The following STXBP6 variants were observed in gnomAD, a reference collection of about 807,000 sequenced individuals.
The protein encoded by STXBP6 is syntaxin-binding protein 6.
STXBP6 carries 21 observed loss-of-function variants against 26.9 expected under a neutral mutation model. The ratio of observed to expected loss-of-function variants is 0.78; its 90% CI spans 0.55 to 1.12. The LOEUF is 1.12. STXBP6 is among the 50% of genes most tolerant of loss of function. The pLI, the probability that STXBP6 is intolerant of heterozygous loss-of-function variation, is 0.00. For synonymous variants in STXBP6, 97 were observed against 92.6 expected (o/e 1.05, Z -0.27); for missense variants, 232 against 257.9 (o/e 0.90, Z 0.69).
At chr14:24,854,852 G>A (rs1187909841) in intron 4 of STXBP6, among the ~76,000 whole-genome samples, 1 of 151,982 alleles carries the variant, frequency 6.6e-6, no homozygotes, top group Non-Finnish European at 1.5e-5. Flanking sequence ...ACCATAGGAT[G>A]TGACCCCTTG....
intron 4 of STXBP6, among the ~76,000 whole-genome samples, chr14:24,840,840 C>CT (rs33918222): frequency 3.2e-3 from 476 of 146,476 alleles, no homozygotes; most frequent in East Asian, 6.6e-3. Flanking sequence ...AATGTAACTG[C>CT]TTTTTTTTTT....
At chr14:24,954,319 C>G (rs2073267959) in intron 2 of STXBP6, among the ~76,000 whole-genome samples, 3 of 151,938 alleles carry the variant, frequency 2.0e-5, no homozygotes, top group Admixed American at 2.0e-4. Flanking sequence ...GGGAGGGGAG[C>G]AGACTGAAGG....
intron 2 of STXBP6, among the ~76,000 whole-genome samples, chr14:24,930,211 G>A (rs1391413418): frequency 6.6e-6 from 1 of 151,712 alleles, no homozygotes; most frequent in East Asian, 1.9e-4. Flanking sequence ...CAATCACGTG[G>A]GGATAATAGC....
intron 2 of STXBP6, among the ~76,000 whole-genome samples, chr14:24,866,725 A>T (rs1215563856): frequency 6.6e-6 from 1 of 151,374 alleles, no homozygotes. Flanking sequence ...TAATCCTCAA[A>T]CAAACCATGG....
At chr14:24,932,192 A>G (rs570313777) in intron 2 of STXBP6, among the ~76,000 whole-genome samples, 81 of 152,296 alleles carry the variant, frequency 5.3e-4, no homozygotes, top group Non-Finnish European at 9.8e-4. Flanking sequence ...GCAGATCACG[A>G]GGTCAGGAAT....
In STXBP6 at chr14:24,878,753, A is replaced by G. The variant is rs75008120; in HGVS notation, c.155-21596T>C. 2.6e-3 allele frequency: 1,158 copies of G among 450,322 alleles called. 6 individuals carry two copies. The highest frequency in any genetic ancestry group is 0.018 in the African/African-American group (906 of 50,080). The allele number at this position is 450,322 out of a possible 1,614,324, so 27.9% of individuals were successfully genotyped here. On this transcript the variant is annotated intron_variant, in intron 2 of 5. Coordinates refer to ENST00000323944, the MANE Select transcript of STXBP6 (RefSeq NM_001394410.1). The stretch of plus-strand genomic sequence containing the variant: ...CAACCATAACACACGTTTCATCCTC[A>G]TTAGCTGGTCTTCTCTCTAAAATTC...
In STXBP6 at chr14:24,904,443, G is replaced by C. The variant is rs118050649; in HGVS notation, c.155-47286C>G. On this transcript the variant is annotated intron_variant, in intron 2 of 5. Coordinates refer to ENST00000323944, the MANE Select transcript of STXBP6 (RefSeq NM_001394410.1). ...TTTGTAGAATATTACTTTTAATGGC[G>C]AACCCGCAATTACTTTTGCGCCAAC... Among the ~76,000 whole-genome samples the C allele has an allele frequency of 5.9e-5, 9 of 152,126 alleles. No individual in the cohort carries two copies. The East Asian group carries it at 1.7e-3, about 29-fold the overall frequency.
chr14:25,032,034 T>C (rs1273666135), intron 1 of STXBP6, among the ~76,000 whole-genome samples: 1 of 151,630 alleles, frequency 6.6e-6, no homozygotes, highest in Non-Finnish European at 1.5e-5. Flanking sequence ...CAGAAAGAAA[T>C]ACAGACAGGA....
intron 2 of STXBP6, among the ~76,000 whole-genome samples, chr14:24,862,174 T>C (rs2332446): frequency 2.6e-5 from 4 of 151,682 alleles, no homozygotes; most frequent in Non-Finnish European, 5.9e-5. Flanking sequence ...CTAACTTTTA[T>C]TTTTTTTGTA....
intron 2 of STXBP6, among the ~76,000 whole-genome samples, chr14:24,905,558 T>C (rs563002905): frequency 3.8e-4 from 58 of 152,266 alleles, no homozygotes; most frequent in Non-Finnish European, 7.8e-4. Flanking sequence ...TATTCAGACC[T>C]AAAAATAACA....
chr14:24,996,901 G>A (rs1173326974), intron 1 of STXBP6, among the ~76,000 whole-genome samples: 1 of 150,042 alleles, frequency 6.7e-6, no homozygotes, highest in Non-Finnish European at 1.5e-5. Flanking sequence ...AGGGAACGCA[G>A]GGGAGAGGGA....
chr14:24,833,941 G>A (rs980116535), intron 4 of STXBP6, among the ~76,000 whole-genome samples: 1 of 152,142 alleles, frequency 6.6e-6, no homozygotes, highest in Admixed American at 6.5e-5. Flanking sequence ...AGGAAGGCAC[G>A]ATTTTCACAC....
At chr14:24,938,043 C>T (rs1302883920) in intron 2 of STXBP6, among the ~76,000 whole-genome samples, 3 of 152,164 alleles carry the variant, frequency 2.0e-5, no homozygotes, top group Non-Finnish European at 1.5e-5. Context: ...GGAAGAAAAC[C>T]ATTCACCTTG....
Position 25,049,541 on chromosome 14 carries a change from C to G in STXBP6, c.-33+337G>C. On this transcript the variant is annotated intron_variant, in intron 1 of 5. Transcript: ENST00000323944. The surrounding 1 kb of genome is among the most constrained non-coding windows in gnomAD (Gnocchi z 5.6). ...GGCCCATGCCATCGCGGGGACGGTGCGGAAAAAAAGGCTCCATCCTCAACT... is the reference window on the plus strand; with the variant it reads ...GGCCCATGCCATCGCGGGGACGGTGGGGAAAAAAAGGCTCCATCCTCAACT... 1.0e-6 allele frequency: 1 copy of G among 985,324 alleles called. No homozygotes were observed. The highest frequency in any genetic ancestry group is 4.7e-5 in the South Asian group (1 of 21,272). The allele number at this position is 985,324 out of a possible 1,614,324, so 61.0% of individuals were successfully genotyped here.
At chr14:24,882,802 C>T (rs925557802) in intron 2 of STXBP6, among the ~76,000 whole-genome samples, 11 of 152,340 alleles carry the variant, frequency 7.2e-5, no homozygotes, top group African/African-American at 2.6e-4. Flanking sequence ...TATAATCCTT[C>T]ATACATAATC....
chr14:24,939,461 C>T (rs2072723365), intron 2 of STXBP6, among the ~76,000 whole-genome samples: 1 of 145,464 alleles, frequency 6.9e-6, no homozygotes. Flanking sequence ...TCTACATTAC[C>T]TTTTTTTTTT....
chr14:24,812,033 A>G lies in STXBP6; in HGVS notation c.*676T>C, dbSNP rs1009240514. The G allele has an allele frequency of 5.3e-5, 8 of 152,098 alleles. 2 individuals carry two copies. Among genetic ancestry groups the G allele is most frequent in the Admixed American group, 3.9e-4 (6 of 15,284 alleles). The allele number at this position is 152,098 out of a possible 1,614,324, so 9.4% of individuals were successfully genotyped here. On this transcript the variant is annotated 3_prime_UTR_variant, in exon 6 of 6. Coordinates refer to ENST00000323944, the MANE Select transcript of STXBP6 (RefSeq NM_001394410.1). ...CCAAGTAAACACCCTGGATACAAGT[A>G]GCAAGAGTATTTAAACTGTAACTCA...
chr14:24,977,878 T>C (rs938757734), intron 1 of STXBP6, among the ~76,000 whole-genome samples: 4 of 152,206 alleles, frequency 2.6e-5, no homozygotes, highest in Non-Finnish European at 5.9e-5. Context: ...CAGTCTCTTA[T>C]AGGGATGGTT....
rs189917163 is a variant in STXBP6, at chr14:24,872,340, G to C, written c.155-15183C>G. Among the ~76,000 whole-genome samples the C allele has an allele frequency of 2.6e-5, 4 of 152,226 alleles. No homozygotes were observed. The East Asian group carries it at 7.7e-4, about 29-fold the overall frequency. ...TCAGGAATTACAAATAAGATAACCGGCCACAGTTCTCCAAGTGTCTTTTTA... is the reference window on the plus strand; with the variant it reads ...TCAGGAATTACAAATAAGATAACCGCCCACAGTTCTCCAAGTGTCTTTTTA... On this transcript the variant is annotated intron_variant, in intron 2 of 5. Coordinates refer to ENST00000323944, the MANE Select transcript of STXBP6 (RefSeq NM_001394410.1).
Sources: allele counts gnomAD v4.1 joint callset (sites outside exome capture counted in the v4.1 genomes callset), GRCh38; gene constraint gnomAD v4.1.1; non-coding constraint Gnocchi (gnomAD v3.1); transcripts MANE v1.5; gene names NCBI Gene and HGNC (gene_info 2026-07-23, HGNC 2026-07-21).